SLC46A1: variants seen among roughly 807,000 people sequenced by gnomAD.
The protein encoded by SLC46A1 is proton-coupled folate transporter.
A neutral mutation model predicts 32.1 loss-of-function variants in SLC46A1; 17 were observed. That is an observed-to-expected ratio of 0.53 (90% CI 0.36 to 0.79). The LOEUF (loss-of-function observed/expected upper bound fraction) is 0.79, where lower values mean the gene tolerates loss of function less well. SLC46A1 is among the 30% of genes least tolerant of loss of function. The pLI is 0.00. For synonymous variants in SLC46A1, 240 were observed against 262.7 expected, an observed-to-expected ratio of 0.91 and a Z score of 0.84; for missense variants, 517 against 588.2, an observed-to-expected ratio of 0.88 and a Z score of 1.25.
In SLC46A1 at chr17:28,399,065, G is replaced by C. The variant is rs1303846035; in HGVS notation, c.*591C>G. 6.5e-6 allele frequency: 1 copy of C among 152,728 alleles called. No homozygotes were observed. Among genetic ancestry groups the C allele is most frequent in the African/African-American group, 2.4e-5 (1 of 41,464 alleles). 9.5% of individuals were successfully genotyped at this position (152,728 alleles called of 1,614,324 possible). On this transcript the variant is annotated 3_prime_UTR_variant, in exon 5 of 5. Coordinates refer to ENST00000612814, the MANE Select transcript of SLC46A1 (RefSeq NM_080669.6). ...TTGCTGAAGCTGATTTGTAATGATT[G>C]GCACTCTTCAGCCAGGGGAGTGGGT... is the stretch of plus-strand genomic sequence containing the variant.
chr17:28,400,629 T>A lies in SLC46A1; in HGVS notation c.1303A>T (p.Ile435Phe). The change falls in exon 4 of 5, where the codon ATC (isoleucine) becomes TTC (phenylalanine). Residue 435 changes from isoleucine to phenylalanine, a missense_variant. Physicochemically the swap from Ile to Phe is conservative, Grantham distance 21. Coordinates refer to ENST00000612814, the MANE Select transcript of SLC46A1 (RefSeq NM_080669.6). ...CATTACCCAATCAGAACAGCCGGGATGAGCAGGAGGCCAGCTCCCAGGAGG... is the reference window on the plus strand; with the variant it reads ...CATTACCCAATCAGAACAGCCGGGAAGAGCAGGAGGCCAGCTCCCAGGAGG... Reference protein sequence around the residue: ...PFLLGAGLLLIPAVLIGMLEK... With the variant: ...PFLLGAGLLLFPAVLIGMLEK... 6.2e-7 allele frequency: 1 copy of A among 1,613,778 alleles called. No homozygotes were observed.
chr17:28,395,871 AG>A lies in SLC46A1; in HGVS notation c.*3784del, dbSNP rs1197000995. ...GCTACAAGGGTCCCTAGATGGGTACAGGGGTATCTTCCTCCTTTCCTTTCTT... is the reference window on the plus strand; with the variant it reads ...GCTACAAGGGTCCCTAGATGGGTACAGGGTATCTTCCTCCTTTCCTTTCTT... On this transcript the variant is annotated 3_prime_UTR_variant, in exon 5 of 5. Coordinates refer to ENST00000612814, the MANE Select transcript of SLC46A1 (RefSeq NM_080669.6). 1.9e-6 allele frequency: 3 copies of A among 1,611,444 alleles called. No homozygotes were observed. Among genetic ancestry groups the A allele is most frequent in the Non-Finnish European group, 2.5e-6 (3 of 1,179,764 alleles).
intron 1 of SLC46A1, 84 bp downstream of exon 1, chr17:28,405,803 C>T: frequency 1.4e-6 from 2 of 1,396,454 alleles, no homozygotes; most frequent in East Asian, 2.5e-5. Flanking sequence ...CCCGCCACTA[C>T]CATTACGCAG....
chr17:28,402,042 C>T (rs1400972557), intron 3 of SLC46A1, 196 bp downstream of exon 3: 5 of 524,130 alleles, frequency 9.5e-6, no homozygotes, highest in Middle Eastern at 5.3e-4. Flanking sequence ...CCCAACTCTG[C>T]GGTTTGAAAA....
rs782296354 is a variant in SLC46A1 at position 28,405,875 on chromosome 17, C to T, written c.228+12G>A. ...GGCCCTCCACCTGCCAGGCTCCTCGCCGCCCCGCTACCTGCATGGTGGGGT... is the reference window on the plus strand; with the variant it reads ...GGCCCTCCACCTGCCAGGCTCCTCGTCGCCCCGCTACCTGCATGGTGGGGT... On this transcript the variant is annotated intron_variant, in intron 1 of 4. Coordinates refer to ENST00000612814, the MANE Select transcript of SLC46A1 (RefSeq NM_080669.6). 3 of 1,554,828 alleles carry T rather than the reference C, an allele frequency of 1.9e-6. No individual in the cohort carries two copies. Among genetic ancestry groups the T allele is most frequent in the Admixed American group, 3.8e-5 (2 of 51,980 alleles).
chr17:28,405,527 T>G, intron 1 of SLC46A1, 59 bp from the exon 2 acceptor site: 3 of 1,564,366 alleles, frequency 1.9e-6, no homozygotes, highest in Non-Finnish European at 1.7e-6. Flanking sequence ...AATCCCCAAA[T>G]CCTCGCCATC....
rs1408258376 is a variant in SLC46A1, at chr17:28,406,094, G to C, written c.21C>G (p.Pro7=). ...CAGGGCGGGCGCGGGGCTTTTCCGG[G>C]GGGCTCGCGCTCCCCTCCATGTGCG... MEGSAS[P]PEKPRARPAA... Residue 7 remains proline (P), a synonymous_variant, in exon 1 of 5, where the codon CCC becomes CCG. Transcript: ENST00000612814. The surrounding 1 kb of genome is among the most constrained non-coding windows in gnomAD (Gnocchi z 4.5). 1 of 1,562,366 alleles carries C rather than the reference G, an allele frequency of 6.4e-7. No individual in the cohort carries two copies. The highest frequency in any genetic ancestry group is 1.4e-5 in the African/African-American group (1 of 72,330).
rs2068155474 is a variant in SLC46A1, at chr17:28,398,294, G to A, written c.*1362C>T. 6.6e-6 allele frequency: 1 copy of A among 152,308 alleles called. No individual in the cohort carries two copies. The highest frequency in any genetic ancestry group is 2.1e-4 in the South Asian group (1 of 4,832). 9.4% of individuals were successfully genotyped at this position (152,308 alleles called of 1,614,324 possible). A position where few individuals can be genotyped will look rare whatever the true frequency, so the allele number is the denominator to read the frequency against. On this transcript the variant is annotated 3_prime_UTR_variant, in exon 5 of 5. Coordinates refer to ENST00000612814, the MANE Select transcript of SLC46A1 (RefSeq NM_080669.6). ...ACCCTCCACTGTTGTCCACTGCCCTGTGTGGCCTTCTGGTTGACCTCTGCC... is the reference window on the plus strand; with the variant it reads ...ACCCTCCACTGTTGTCCACTGCCCTATGTGGCCTTCTGGTTGACCTCTGCC...
Position 28,400,763 on chromosome 17 carries a change from G to A in SLC46A1, c.1169C>T (p.Ala390Val), listed in dbSNP as rs2142455345. Residue 390 changes from alanine (A) to valine (V), a missense_variant, in exon 4 of 5, where the codon GCT (alanine) becomes GTT (valine). Coordinates refer to ENST00000612814, the MANE Select transcript of SLC46A1 (RefSeq NM_080669.6). ...CACACAGGCCACAGCAGAAAAGAGA[G>A]CACCTGTGAAGAAATAAATACCATA... ...SKLVRETEQG[A>V]LFSAVACVNS... 1.9e-6 allele frequency: 3 copies of A among 1,566,090 alleles called. No homozygotes were observed. The highest frequency in any genetic ancestry group is 1.7e-6 in the Non-Finnish European group (2 of 1,155,156).
Position 28,406,044 on chromosome 17 carries a change from G to C in SLC46A1, c.71C>G (p.Pro24Arg), listed in dbSNP as rs1192448181. The change falls in exon 1 of 5, where the codon CCG (proline) becomes CGG (arginine). Residue 24 changes from proline to arginine, a missense_variant. Pro to Arg is a moderately radical substitution (Grantham distance 103). Coordinates refer to ENST00000612814, the MANE Select transcript of SLC46A1 (RefSeq NM_080669.6). The surrounding 1 kb of genome is among the most constrained non-coding windows in gnomAD (Gnocchi z 4.5). ...RPAAAVLCRG[P>R]VEPLVFLANF... ...GGCCAGGAAGACCAGCGGCTCTACC[G>C]GGCCCCGGCACAGCACGGCAGCCGC... The C allele has an allele frequency of 6.2e-7, 1 of 1,606,426 alleles. No individual in the cohort carries two copies. The highest frequency in any genetic ancestry group is 1.1e-5 in the South Asian group (1 of 90,138).
At position 28,405,787 on chromosome 17, in the gene SLC46A1, C is replaced by CA. The variant is rs2142469208; in HGVS notation, c.228+99dup. The CA allele has an allele frequency of 3.1e-6, 4 of 1,304,526 alleles. No homozygotes were observed. In the Admixed American group the frequency reaches 9.5e-5, roughly 31 times the overall value. The allele number at this position is 1,304,526 out of a possible 1,614,324, so 80.8% of individuals were successfully genotyped here. ...CACCATCCAAAATGCACCCTCCCTC[C>CA]AGTTACCCGCCACTACCATTACGCA... On this transcript the variant is annotated intron_variant, in intron 1 of 4. Transcript: ENST00000612814.
chr17:28,399,988 G>A, intron 4 of SLC46A1: 1 of 432,282 alleles, frequency 2.3e-6, no homozygotes, highest in Non-Finnish European at 4.3e-6. Context: ...TGAACTCCTG[G>A]GCTCAAGTGA....
Position 28,396,112 on chromosome 17 carries a change from C to A in SLC46A1, c.*3544G>T, listed in dbSNP as rs376312972. The A allele has an allele frequency of 1.1e-4, 171 of 1,613,792 alleles. No individual in the cohort carries two copies. In the African/African-American group the frequency reaches 1.8e-3, roughly 17 times the overall value. On this transcript the variant is annotated 3_prime_UTR_variant, in exon 5 of 5. Transcript: ENST00000612814. ...GTGGGCAAACAGCTGACTAGCAGCTCCCTCTGCCCAGCTGTCTGAACCACA... is the reference window on the plus strand; with the variant it reads ...GTGGGCAAACAGCTGACTAGCAGCTACCTCTGCCCAGCTGTCTGAACCACA...
chr17:28,400,078 A>G (rs1472362695), intron 4 of SLC46A1: 1 of 277,556 alleles, frequency 3.6e-6, no homozygotes, highest in South Asian at 4.4e-5. Context: ...AATTTTTTAT[A>G]CAGACAAGGT....
Position 28,396,490 on chromosome 17 carries a change from G to A in SLC46A1, c.*3166C>T, listed in dbSNP as rs2068125730. The A allele has an allele frequency of 6.4e-6, 4 of 627,006 alleles. No homozygotes were observed. The East Asian group carries it at 1.1e-4, about 18-fold the overall frequency. The allele number at this position is 627,006 out of a possible 1,614,324, so 38.8% of individuals were successfully genotyped here. On this transcript the variant is annotated 3_prime_UTR_variant, in exon 5 of 5. Coordinates refer to ENST00000612814, the MANE Select transcript of SLC46A1 (RefSeq NM_080669.6). ...TGGAGAGGGAAGGGAAGTCAGGCTT[G>A]GGCACGGGAGGTTAGAACTCCCCCA...
At chr17:28,402,352 TG>T (rs1555589805) in intron 2 of SLC46A1, 31 bp from the exon 3 acceptor site, 1 of 1,593,750 alleles carries the variant, frequency 6.3e-7, no homozygotes, top group South Asian at 1.1e-5. Context: ...ATCAGGAAAA[TG>T]GGGCTGGGGA....
rs375000218 is a variant in SLC46A1 at position 28,405,922 on chromosome 17, C to A, written c.193G>T (p.Gly65Cys). Reference protein sequence around the residue: ...LGYNGTRQRGGCSNRSADPTM... With the variant: ...LGYNGTRQRGCCSNRSADPTM... ...GGGTCCGCGCTGCGGTTGCTGCAGC[C>A]CCCCCTTTGGCGGGTGCCATTGTAG... The change falls in exon 1 of 5, where the codon GGC (glycine) becomes TGC (cysteine). Residue 65 changes from glycine to cysteine, a missense_variant. Coordinates refer to ENST00000612814, the MANE Select transcript of SLC46A1 (RefSeq NM_080669.6). 6.8e-6 allele frequency: 11 copies of A among 1,608,814 alleles called. No individual in the cohort carries two copies. Among genetic ancestry groups the A allele is most frequent in the East Asian group, 2.2e-5 (1 of 44,754 alleles).
chr17:28,399,521 T>A lies in SLC46A1; in HGVS notation c.*135A>T, dbSNP rs954619388. On this transcript the variant is annotated 3_prime_UTR_variant, in exon 5 of 5. Coordinates refer to ENST00000612814, the MANE Select transcript of SLC46A1 (RefSeq NM_080669.6). ...GGGTGGTGCCTTGGTCTCTCTTGAC[T>A]ACCTCGTCCAAAGAGAGCACTGCCC... 15 of 850,468 alleles carry A rather than the reference T, an allele frequency of 1.8e-5. No homozygotes were observed. The highest frequency in any genetic ancestry group is 2.8e-5 in the Non-Finnish European group (15 of 528,808). 52.7% of individuals were successfully genotyped at this position (850,468 alleles called of 1,614,324 possible).
Position 28,405,923 on chromosome 17 carries a change from C to T in SLC46A1, c.192G>A (p.Gly64=). The T allele has an allele frequency of 1.2e-6, 2 of 1,609,134 alleles. No individual in the cohort carries two copies. Among genetic ancestry groups the T allele is most frequent in the Non-Finnish European group, 1.7e-6 (2 of 1,178,486 alleles). Residue 64 remains glycine, a synonymous_variant, in exon 1 of 5, where the codon GGG becomes GGA. Transcript: ENST00000612814. ...DLGYNGTRQR[G]GCSNRSADPT... Reference sequence around the variant, plus strand: ...GGTCCGCGCTGCGGTTGCTGCAGCCCCCCCTTTGGCGGGTGCCATTGTAGC... The same window carrying T: ...GGTCCGCGCTGCGGTTGCTGCAGCCTCCCCTTTGGCGGGTGCCATTGTAGC...
Sources: gnomAD v4.1 joint callset for allele counts on GRCh38, gnomAD v4.1.1 for gene constraint, Gnocchi (gnomAD v3.1) non-coding constraint, MANE v1.5 for transcripts, NCBI Gene and HGNC (gene_info 2026-07-23, HGNC 2026-07-21) for gene names.